The following KLF12 variants were observed in gnomAD, a reference collection of about 807,000 sequenced individuals.
The protein encoded by KLF12 is KLF transcription factor 12.
Under a neutral mutation model 37.8 loss-of-function variants are expected in KLF12, and 9 were observed. That is an observed-to-expected ratio of 0.24 (90% CI 0.14 to 0.42). The LOEUF (loss-of-function observed/expected upper bound fraction) is 0.42. KLF12 is among the 10% of genes least tolerant of loss of function. KLF12 has a pLI of 1.00. For missense variants in KLF12, 411 were observed against 516.0 expected (o/e 0.80, Z 1.97); for synonymous variants, 208 against 202.1 (o/e 1.03, Z -0.25).
At chr13:73,857,582 G>A (rs1055819896) in intron 3 of KLF12, among the ~76,000 whole-genome samples, 2 of 152,134 alleles carry the variant, frequency 1.3e-5, no homozygotes, top group South Asian at 4.1e-4. Context: ...TGGGGAAATA[G>A]GGCTAACTTA....
chr13:73,853,780 A>C (rs538823181), intron 3 of KLF12, among the ~76,000 whole-genome samples: 25 of 152,292 alleles, frequency 1.6e-4, no homozygotes, highest in African/African-American at 5.3e-4. Flanking sequence ...CCAAGGACTG[A>C]AAACATGGAC....
chr13:73,776,159 G>A (rs1016225442), intron 5 of KLF12, among the ~76,000 whole-genome samples: 2 of 152,146 alleles, frequency 1.3e-5, no homozygotes, highest in Non-Finnish European at 2.9e-5. Context: ...GATTTATGTA[G>A]GTGTGTGTGT....
chr13:73,986,117 T>C (rs1891822215), intron 2 of KLF12, among the ~76,000 whole-genome samples: 1 of 152,142 alleles, frequency 6.6e-6, no homozygotes. Context: ...ACGCTACAAA[T>C]AACAACATTC....
the KLF12 span, among the ~76,000 whole-genome samples, chr13:74,251,845 T>G: frequency 1.3e-5 from 2 of 152,238 alleles, no homozygotes; most frequent in Admixed American, 6.5e-5. Flanking sequence ...CAGAGGATTC[T>G]GTTGTCCTCC....
chr13:73,830,682 TC>T (rs1424150530), intron 4 of KLF12, among the ~76,000 whole-genome samples: 1 of 152,162 alleles, frequency 6.6e-6, no homozygotes, highest in Non-Finnish European at 1.5e-5. Context: ...CCTTGTGTCT[TC>T]CAGAAAATTA....
chr13:73,746,901 G>T (rs576204342), intron 6 of KLF12, among the ~76,000 whole-genome samples: 49 of 140,640 alleles, frequency 3.5e-4, no homozygotes, highest in African/African-American at 1.1e-3. Context: ...TGCAACCTCT[G>T]CCTCCCTGGT....
intron 1 of KLF12, among the ~76,000 whole-genome samples, chr13:74,088,895 A>G (rs186393764): frequency 6.6e-6 from 1 of 152,356 alleles, no homozygotes; most frequent in East Asian, 1.9e-4. Context: ...ACTTGTATGC[A>G]TAACAGGATG....
intron 5 of KLF12, among the ~76,000 whole-genome samples, chr13:73,769,704 C>CA (rs960719119): frequency 4.0e-5 from 6 of 150,382 alleles, no homozygotes; most frequent in African/African-American, 4.9e-5. Flanking sequence ...AAGAAACAAA[C>CA]AAAAAAAAAG....
the KLF12 span, among the ~76,000 whole-genome samples, chr13:74,241,974 G>C: frequency 6.6e-6 from 1 of 152,092 alleles, no homozygotes; most frequent in Admixed American, 6.5e-5. Flanking sequence ...CTCCCCCCAG[G>C]TACCGAATTT....
intron 5 of KLF12, among the ~76,000 whole-genome samples, chr13:73,786,238 G>T (rs983967131): frequency 1.3e-5 from 2 of 152,162 alleles, no homozygotes; most frequent in East Asian, 3.9e-4. Flanking sequence ...CTGGCATAAT[G>T]ACATTTAACT....
intron 5 of KLF12, among the ~76,000 whole-genome samples, chr13:73,767,000 G>C: frequency 6.6e-6 from 1 of 152,156 alleles, no homozygotes; most frequent in African/African-American, 2.4e-5. Flanking sequence ...TCCTGATTGT[G>C]TATATGAACA....
chr13:74,063,092 G>C (rs1873705642), intron 1 of KLF12, among the ~76,000 whole-genome samples: 1 of 152,192 alleles, frequency 6.6e-6, no homozygotes, highest in Admixed American at 6.5e-5. Flanking sequence ...CGCACCTCCA[G>C]CTGCCTCGGT....
intron 5 of KLF12, among the ~76,000 whole-genome samples, chr13:73,808,934 T>TTCATATC (rs1212053155): frequency 1.3e-5 from 2 of 152,192 alleles, no homozygotes; most frequent in Non-Finnish European, 2.9e-5. Context: ...TTCATATCCC[T>TTCATATC]TTCCTTTCTC....
chr13:73,945,316 A>G (rs1285244785), intron 2 of KLF12, among the ~76,000 whole-genome samples: 1 of 152,098 alleles, frequency 6.6e-6, no homozygotes, highest in Non-Finnish European at 1.5e-5. Flanking sequence ...TAAAAATACA[A>G]AAATTAGCTG....
chr13:74,072,955 C>T (rs953666045), intron 1 of KLF12, among the ~76,000 whole-genome samples: 6 of 152,102 alleles, frequency 3.9e-5, no homozygotes, highest in African/African-American at 9.7e-5. Flanking sequence ...GGGAGGGACC[C>T]GGTGGGATGT....
At chr13:74,090,355 A>C (rs7318992) in intron 1 of KLF12, among the ~76,000 whole-genome samples, 29,468 of 151,990 alleles carry the variant, frequency 0.19, 3,003 homozygotes, top group African/African-American at 0.27. Context: ...AAAATGTCAC[A>C]CATATCCTCT....
chr13:73,739,250 TAATAA>T (rs1458122703), intron 6 of KLF12, among the ~76,000 whole-genome samples: 2 of 148,276 alleles, frequency 1.3e-5, no homozygotes, highest in Non-Finnish European at 3.0e-5. Context: ...ATAATAATAA[TAATAA>T]TAATAATAAT....
intron 1 of KLF12, among the ~76,000 whole-genome samples, chr13:74,012,928 G>A (rs1386557321): frequency 2.0e-5 from 3 of 152,146 alleles, no homozygotes; most frequent in East Asian, 1.9e-4. Context: ...GATAGAGCCC[G>A]TTATGGGTGA....
rs145216088 is a variant in KLF12, at chr13:73,739,861, A to G, written c.870-24336T>C. 1.4e-3 allele frequency among the ~76,000 whole-genome samples: 214 copies of G among 152,368 alleles called. 1 individual carries two copies. The highest frequency in any genetic ancestry group is 4.7e-3 in the African/African-American group (195 of 41,582). On this transcript the variant is annotated intron_variant, in intron 6 of 7. Transcript: ENST00000377669. Reference sequence around the variant, plus strand: ...GTTTAGCACATTCTTGGATAATTTTATCTTTTAAACAAATTGTGTAATTTC... The same window carrying G: ...GTTTAGCACATTCTTGGATAATTTTGTCTTTTAAACAAATTGTGTAATTTC...
Sources: allele counts gnomAD v4.1 joint callset (sites outside exome capture counted in the v4.1 genomes callset), GRCh38; gene constraint gnomAD v4.1.1; transcripts MANE v1.5; gene names NCBI Gene and HGNC (gene_info 2026-07-23, HGNC 2026-07-21).